CERS6: variants seen among roughly 807,000 people sequenced by gnomAD.
CERS6 encodes the protein LAG1 homolog, ceramide synthase 6.
Under a neutral mutation model 56.8 loss-of-function variants are expected in CERS6, and 26 were observed. The ratio of observed to expected loss-of-function variants is 0.46; its 90% CI spans 0.34 to 0.63. The LOEUF (loss-of-function observed/expected upper bound fraction) is 0.63, where lower values mean the gene tolerates loss of function less well. Ranked by LOEUF, CERS6 falls within the 30% of genes least tolerant of loss-of-function variation. The probability of loss-of-function intolerance (pLI) is 0.01; values close to 1 mark genes in which losing one functional copy is unlikely to be tolerated. For synonymous variants in CERS6, 164 were observed against 173.3 expected (o/e 0.95, Z 0.42); for missense variants, 415 against 467.5 (o/e 0.89, Z 1.04).
intron 8 of CERS6, among the ~76,000 whole-genome samples, chr2:168,745,970 G>C (rs1684086459): frequency 6.6e-6 from 1 of 152,176 alleles, no homozygotes; most frequent in Admixed American, 6.5e-5. Flanking sequence ...AAATGAACTG[G>C]ATATGGTGCA....
chr2:168,513,463 T>C (rs977114313), intron 1 of CERS6, among the ~76,000 whole-genome samples: 1 of 152,218 alleles, frequency 6.6e-6, no homozygotes, highest in Non-Finnish European at 1.5e-5. Context: ...GTTTATGACT[T>C]GAGCAGTTTT....
Position 168,774,606 on chromosome 2 carries a change from A to G in CERS6, c.*4944A>G, listed in dbSNP as rs1684954239. ...TCCACAGTAATTTTTTGACACTGTC[A>G]TCATGAAACTACCCTTAGGAAAATA... On this transcript the variant is annotated 3_prime_UTR_variant, in exon 10 of 10. Coordinates refer to ENST00000305747, the MANE Select transcript of CERS6 (RefSeq NM_203463.3). 1 of 152,074 alleles carries G rather than the reference A, an allele frequency of 6.6e-6. No homozygotes were observed. The highest frequency in any genetic ancestry group is 6.6e-5 in the Admixed American group (1 of 15,262). 9.4% of individuals were successfully genotyped at this position (152,074 alleles called of 1,614,324 possible). A position where few individuals can be genotyped will look rare whatever the true frequency, so the allele number is the denominator to read the frequency against.
intron 4 of CERS6, among the ~76,000 whole-genome samples, chr2:168,688,533 A>G (rs571008464): frequency 5.3e-5 from 8 of 152,250 alleles, no homozygotes; most frequent in South Asian, 2.1e-4. Flanking sequence ...TTTCTTATCT[A>G]TAAATTGGGA....
intron 8 of CERS6, among the ~76,000 whole-genome samples, chr2:168,734,547 GAC>G (rs1683655268): frequency 6.6e-6 from 1 of 152,176 alleles, no homozygotes; most frequent in Admixed American, 6.5e-5. Context: ...AAGACAGACA[GAC>G]ACGCACACAC....
At position 168,709,741 on chromosome 2, in the gene CERS6, A is replaced by G. The variant is rs375693753; in HGVS notation, c.610-5260A>G. ...TGTTCTTTCAGCCATGACTGTGTCTATGTGTGCACTAATCACTTTCAGCAG... is the reference window on the plus strand; with the variant it reads ...TGTTCTTTCAGCCATGACTGTGTCTGTGTGTGCACTAATCACTTTCAGCAG... On this transcript the variant is annotated intron_variant, in intron 6 of 9. Coordinates refer to ENST00000305747, the MANE Select transcript of CERS6 (RefSeq NM_203463.3). 3.9e-5 allele frequency among the ~76,000 whole-genome samples: 6 copies of G among 152,204 alleles called. No homozygotes were observed. The East Asian group carries it at 5.8e-4, about 15-fold the overall frequency.
At position 168,456,664 on chromosome 2, in the gene CERS6, ACG is replaced by A. The variant is rs1693663964; in HGVS notation, c.170+52_170+53del. The A allele has an allele frequency of 1.3e-6, 2 of 1,560,138 alleles. No individual in the cohort carries two copies. The highest frequency in any genetic ancestry group is 1.4e-5 in the African/African-American group (1 of 72,656). Reference sequence around the variant, plus strand: ...TCCTCCCCTCCCCCTGCGCACACACACGCGCGCACACACTCGCGCGCTCTCTG... The same window carrying A: ...TCCTCCCCTCCCCCTGCGCACACACACGCGCACACACTCGCGCGCTCTCTG... On this transcript the variant is annotated intron_variant, in intron 1 of 9. Coordinates refer to ENST00000305747, the MANE Select transcript of CERS6 (RefSeq NM_203463.3). The surrounding 1 kb of genome is among the most constrained non-coding windows in gnomAD (Gnocchi z 4.1).
chr2:168,740,108 C>T (rs1413304681), intron 8 of CERS6, among the ~76,000 whole-genome samples: 1 of 152,098 alleles, frequency 6.6e-6, no homozygotes, highest in Non-Finnish European at 1.5e-5. Flanking sequence ...AAAATTAGTG[C>T]TGAGTCTTTT....
intron 4 of CERS6, among the ~76,000 whole-genome samples, chr2:168,647,663 C>T (rs547745915): frequency 6.6e-6 from 1 of 152,032 alleles, no homozygotes; most frequent in South Asian, 2.1e-4. Flanking sequence ...ATAGATGGCT[C>T]TTATTATTTT....
At chr2:168,717,062 C>T (rs1380824976) in intron 7 of CERS6, among the ~76,000 whole-genome samples, 1 of 152,058 alleles carries the variant, frequency 6.6e-6, no homozygotes, top group Non-Finnish European at 1.5e-5. Flanking sequence ...TTCAGTCTCA[C>T]CTGTTTTTAG....
intron 8 of CERS6, among the ~76,000 whole-genome samples, chr2:168,729,275 A>C (rs1683447537): frequency 6.6e-6 from 1 of 152,224 alleles, no homozygotes; most frequent in African/African-American, 2.4e-5. Context: ...TGTGTATTTG[A>C]CCAGGCATCT....
intron 3 of CERS6, among the ~76,000 whole-genome samples, chr2:168,576,262 T>C (rs1361512771): frequency 6.6e-6 from 1 of 152,228 alleles, no homozygotes; most frequent in Non-Finnish European, 1.5e-5. Context: ...ATGCTCTTGC[T>C]TAACATTTCT....
intron 1 of CERS6, among the ~76,000 whole-genome samples, chr2:168,533,344 G>T (rs1407842155): frequency 6.6e-6 from 1 of 151,986 alleles, no homozygotes; most frequent in Non-Finnish European, 1.5e-5. Context: ...GAATAGATTG[G>T]AATAGTTTGG....
intron 4 of CERS6, among the ~76,000 whole-genome samples, chr2:168,648,562 T>C (rs1054842094): frequency 1.1e-4 from 16 of 152,202 alleles, no homozygotes; most frequent in Non-Finnish European, 2.2e-4. Context: ...TGTCTTCTGC[T>C]AGCTTTGGGG....
chr2:168,770,571 T>G lies in CERS6; in HGVS notation c.*909T>G, dbSNP rs1222650868. 6.6e-6 allele frequency: 1 copy of G among 152,638 alleles called. No individual in the cohort carries two copies. The highest frequency in any genetic ancestry group is 1.5e-5 in the Non-Finnish European group (1 of 68,038). 9.5% of individuals were successfully genotyped at this position (152,638 alleles called of 1,614,324 possible). On this transcript the variant is annotated 3_prime_UTR_variant, in exon 10 of 10. Coordinates refer to ENST00000305747, the MANE Select transcript of CERS6 (RefSeq NM_203463.3). Reference sequence around the variant, plus strand: ...CCAGGTTTTGCCACTACCCTATAATTAGTGCAGTCTTATGTTATAAAAGAA... The same window carrying G: ...CCAGGTTTTGCCACTACCCTATAATGAGTGCAGTCTTATGTTATAAAAGAA...
At chr2:168,614,537 G>T (rs538205824) in intron 3 of CERS6, among the ~76,000 whole-genome samples, 3 of 152,340 alleles carry the variant, frequency 2.0e-5, no homozygotes, top group Non-Finnish European at 2.9e-5. Context: ...GGGGTGCATG[G>T]TGGGAGTGAC....
chr2:168,729,218 T>C (rs994719408), intron 8 of CERS6, among the ~76,000 whole-genome samples: 2 of 152,170 alleles, frequency 1.3e-5, no homozygotes, highest in Admixed American at 1.3e-4. Context: ...TTTAAAAATA[T>C]CTGAGTGTCG....
intron 1 of CERS6, among the ~76,000 whole-genome samples, chr2:168,502,905 AG>A (rs1412677453): frequency 1.3e-5 from 2 of 152,198 alleles, no homozygotes; most frequent in African/African-American, 4.8e-5. Context: ...GGATTGGATA[AG>A]GGAGTCTCTT....
chr2:168,717,439 C>T (rs545636393), intron 7 of CERS6, among the ~76,000 whole-genome samples: 1 of 152,198 alleles, frequency 6.6e-6, no homozygotes, highest in Admixed American at 6.5e-5. Context: ...AAGTTTGTGG[C>T]CCCGGTATTT....
intron 1 of CERS6, among the ~76,000 whole-genome samples, chr2:168,529,420 G>T (rs1695126320): frequency 6.6e-6 from 1 of 152,052 alleles, no homozygotes; most frequent in South Asian, 2.1e-4. Context: ...AAAATAAAGG[G>T]CCTCATCCTC....
Sources: allele counts gnomAD v4.1 joint callset (sites outside exome capture counted in the v4.1 genomes callset), GRCh38; gene constraint gnomAD v4.1.1; non-coding constraint Gnocchi (gnomAD v3.1); transcripts MANE v1.5; gene names NCBI Gene and HGNC (gene_info 2026-07-23, HGNC 2026-07-21).